Variants in CNTN5 observed in about 807,000 individuals in gnomAD.
CNTN5 encodes contactin-5.
A neutral mutation model predicts 129.1 loss-of-function variants in CNTN5; 77 were observed. The observed-to-expected ratio is 0.60, with a 90% CI of 0.50 to 0.72. The LOEUF is 0.72. Among genes scored for constraint, CNTN5 ranks in the 30% least tolerant of loss-of-function variants. The probability of loss-of-function intolerance (pLI) is 0.00; values close to 1 mark genes in which losing one functional copy is unlikely to be tolerated. For synonymous variants in CNTN5, 509 were observed against 465.6 expected (o/e 1.09, Z -1.20); for missense variants, 1,478 against 1,328.8 (o/e 1.11, Z -1.75).
intron 16 of CNTN5, among the ~76,000 whole-genome samples, chr11:100,228,583 T>C (rs1313108046): frequency 6.6e-6 from 1 of 152,234 alleles, no homozygotes; most frequent in African/African-American, 2.4e-5. Flanking sequence ...AGTAAAATCA[T>C]TAAAATTTTG....
intron 1 of CNTN5, among the ~76,000 whole-genome samples, chr11:99,037,800 G>C (rs965053350): frequency 2.6e-5 from 4 of 151,474 alleles, no homozygotes; most frequent in Non-Finnish European, 5.9e-5. Context: ...GGCTGGTCTT[G>C]AACTCCTGAC....
intron 3 of CNTN5, among the ~76,000 whole-genome samples, chr11:99,680,565 C>A (rs557557431): frequency 3.3e-5 from 5 of 152,114 alleles, no homozygotes; most frequent in Admixed American, 6.5e-5. Flanking sequence ...CAAAACATGA[C>A]GGCTCATTGA....
At chr11:100,149,575 A>G (rs1282139372) in intron 13 of CNTN5, among the ~76,000 whole-genome samples, 2 of 152,188 alleles carry the variant, frequency 1.3e-5, no homozygotes, top group East Asian at 3.9e-4. Flanking sequence ...GTGTAGCACA[A>G]TGTCATGGCA....
chr11:99,202,173 A>T (rs1859241874), intron 1 of CNTN5, among the ~76,000 whole-genome samples: 1 of 152,184 alleles, frequency 6.6e-6, no homozygotes, highest in Non-Finnish European at 1.5e-5. Context: ...TTGGGGCTTT[A>T]AAAAGTTGCT....
At position 99,971,312 on chromosome 11, in the gene CNTN5, G is replaced by A. The variant is rs529016010; in HGVS notation, c.877+14303G>A. ...GTAATCCCAGCACTTTGGGAGGCCA[G>A]GGCAGGTGGATCATGAGGTCAGGAG... On this transcript the variant is annotated intron_variant, in intron 8 of 24. Transcript: ENST00000524871. 3.4e-3 allele frequency among the ~76,000 whole-genome samples: 521 copies of A among 151,686 alleles called. 3 individuals are homozygous for A. The highest frequency in any genetic ancestry group is 0.011 in the African/African-American group (472 of 41,132).
At chr11:99,138,152 A>G (rs1036467442) in intron 1 of CNTN5, among the ~76,000 whole-genome samples, 1 of 152,128 alleles carries the variant, frequency 6.6e-6, no homozygotes, top group African/African-American at 2.4e-5. Context: ...TATTACCTCA[A>G]TATATCTCAC....
intron 8 of CNTN5, among the ~76,000 whole-genome samples, chr11:99,982,710 G>A (rs1938423604): frequency 6.6e-6 from 1 of 152,052 alleles, no homozygotes; most frequent in Non-Finnish European, 1.5e-5. Flanking sequence ...GGGCGATCTT[G>A]GCTCACTGCA....
intron 21 of CNTN5, among the ~76,000 whole-genome samples, chr11:100,328,695 A>G (rs1199090053): frequency 6.6e-6 from 1 of 152,166 alleles, no homozygotes; most frequent in Non-Finnish European, 1.5e-5. Flanking sequence ...CTCACCTCCA[A>G]ATTGGGGATT....
At chr11:99,750,045 C>T (rs1944179889) in intron 3 of CNTN5, among the ~76,000 whole-genome samples, 1 of 152,224 alleles carries the variant, frequency 6.6e-6, no homozygotes, top group East Asian at 1.9e-4. Flanking sequence ...GCCACTTAGC[C>T]TAAAAATGTT....
Position 100,289,529 on chromosome 11 carries a change from A to T in CNTN5, c.2315-8096A>T, listed in dbSNP as rs1483482114. 3.7e-4 allele frequency among the ~76,000 whole-genome samples: 57 copies of T among 152,170 alleles called. No homozygotes were observed. In the South Asian group the frequency reaches 4.6e-3, roughly 12 times the overall value. On this transcript the variant is annotated intron_variant, in intron 18 of 24. Coordinates refer to ENST00000524871, the MANE Select transcript of CNTN5 (RefSeq NM_014361.4). Reference sequence around the variant, plus strand: ...AAAACCACATGATTATCTCAATAGCAGCAGAAAAAGCCTTTGACAAAATTC... The same window carrying T: ...AAAACCACATGATTATCTCAATAGCTGCAGAAAAAGCCTTTGACAAAATTC...
intron 3 of CNTN5, among the ~76,000 whole-genome samples, chr11:99,734,719 T>C (rs1356012680): frequency 6.6e-6 from 1 of 152,046 alleles, no homozygotes; most frequent in Non-Finnish European, 1.5e-5. Flanking sequence ...TTTTTTTTTT[T>C]TGCCTGCTTC....
chr11:99,697,705 A>C (rs1232768483), intron 3 of CNTN5, among the ~76,000 whole-genome samples: 1 of 151,788 alleles, frequency 6.6e-6, no homozygotes, highest in Non-Finnish European at 1.5e-5. Flanking sequence ...ATATAGATTC[A>C]CTAAGTTTTA....
At position 99,254,645 on chromosome 11, in the gene CNTN5, A is replaced by C. The variant is rs1862284346; in HGVS notation, c.-209-70701A>C. On this transcript the variant is annotated intron_variant, in intron 1 of 24. Transcript: ENST00000524871. ...ATACCTTGAATGTTCCTATTTTAGT[A>C]ATTTTAGTTTCATGATAACAAAAAT... is the stretch of plus-strand genomic sequence containing the variant. Among the ~76,000 whole-genome samples, 3 of 151,964 alleles carry C rather than the reference A, an allele frequency of 2.0e-5. No homozygotes were observed. In the South Asian group the frequency reaches 6.2e-4, roughly 31 times the overall value.
chr11:100,343,766 A>T, intron 23 of CNTN5, among the ~76,000 whole-genome samples: 1 of 152,230 alleles, frequency 6.6e-6, no homozygotes, highest in African/African-American at 2.4e-5. Flanking sequence ...TAGAATGACC[A>T]GGGCTGGGCA....
intron 23 of CNTN5, among the ~76,000 whole-genome samples, chr11:100,341,736 T>C (rs1952167381): frequency 6.6e-6 from 1 of 152,182 alleles, no homozygotes. Context: ...ATCTGGAAAT[T>C]TGATAACATG....
chr11:99,289,226 A>C (rs900433761), intron 1 of CNTN5, among the ~76,000 whole-genome samples: 5 of 151,898 alleles, frequency 3.3e-5, no homozygotes, highest in East Asian at 3.9e-4. Flanking sequence ...ACTGTACCAG[A>C]TATTTCTTTG....
chr11:99,425,765 G>A (rs935956218), intron 2 of CNTN5, among the ~76,000 whole-genome samples: 1 of 152,208 alleles, frequency 6.6e-6, no homozygotes, highest in African/African-American at 2.4e-5. Flanking sequence ...ACTGCACCCT[G>A]GAGTGTGGGG....
chr11:99,889,319 TGTGTGTG>T (rs1948988225), intron 6 of CNTN5, among the ~76,000 whole-genome samples: 9 of 145,386 alleles, frequency 6.2e-5, no homozygotes, highest in Middle Eastern at 3.5e-3. Context: ...TGTGTGTGTG[TGTGTGTG>T]TGTGTGTGTG....
intron 18 of CNTN5, among the ~76,000 whole-genome samples, chr11:100,296,830 C>T (rs558133838): frequency 6.6e-6 from 1 of 151,352 alleles, no homozygotes; most frequent in South Asian, 2.1e-4. Flanking sequence ...ATATCAATAT[C>T]GTTTAAAAAT....
Sources: gnomAD v4.1 joint callset for allele counts (sites outside exome capture counted in the v4.1 genomes callset) on GRCh38, gnomAD v4.1.1 for gene constraint, MANE v1.5 for transcripts, NCBI Gene and HGNC (gene_info 2026-07-23, HGNC 2026-07-21) for gene names.